Variants in CCT5 observed in about 807,000 individuals in gnomAD.
CCT5 encodes chaperonin containing TCP1 subunit 5.
Under a neutral mutation model 55.0 loss-of-function variants are expected in CCT5, and 6 were observed. That is an observed-to-expected ratio of 0.11 (90% CI 0.06 to 0.22). The LOEUF (loss-of-function observed/expected upper bound fraction) is 0.22. Among genes scored for constraint, CCT5 ranks in the 10% least tolerant of loss-of-function variants. The pLI is 1.00. For missense variants in CCT5, 560 were observed against 694.6 expected (o/e 0.81, Z 2.18); for synonymous variants, 231 against 243.7 (o/e 0.95, Z 0.49).
chr5:10,262,284 TCA>T (rs1232057859), intron 8 of CCT5, 195 bp from the exon 9 acceptor site: 1 of 621,188 alleles, frequency 1.6e-6, no homozygotes, highest in African/African-American at 1.8e-5. Context: ...CTAGAATGAG[TCA>T]CTGGCCGCCT....
chr5:10,252,983 A>G, intron 1 of CCT5, among the ~76,000 whole-genome samples: 1 of 152,018 alleles, frequency 6.6e-6, no homozygotes, highest in East Asian at 1.9e-4. Context: ...GAAAAAAAAA[A>G]CAGGTAACTT....
chr5:10,256,945 T>C (rs1472829644), intron 4 of CCT5, among the ~76,000 whole-genome samples: 1 of 152,174 alleles, frequency 6.6e-6, no homozygotes, highest in Non-Finnish European at 1.5e-5. Flanking sequence ...ACAGCTCTTC[T>C]CCCAGGAGAC....
At chr5:10,250,892 A>G in intron 1 of CCT5, 1 of 1,034,112 alleles carries the variant, frequency 9.7e-7, no homozygotes, top group Non-Finnish European at 1.2e-6. Flanking sequence ...TCACTCGTAA[A>G]GGTGTGGTCA....
intron 10 of CCT5, among the ~76,000 whole-genome samples, chr5:10,263,721 A>G (rs1016102753): frequency 6.6e-6 from 1 of 152,202 alleles, no homozygotes; most frequent in Non-Finnish European, 1.5e-5. Context: ...TAAATGTAAT[A>G]TATAACCTCT....
chr5:10,263,633 A>G (rs1746089026), intron 10 of CCT5, among the ~76,000 whole-genome samples: 1 of 152,198 alleles, frequency 6.6e-6, no homozygotes, highest in East Asian at 1.9e-4. Context: ...AGTGGGCAGC[A>G]TATATATAAC....
intron 8 of CCT5, chr5:10,262,253 A>G: frequency 1.8e-6 from 1 of 542,058 alleles, no homozygotes; most frequent in Non-Finnish European, 3.3e-6. Flanking sequence ...TCAGTTTTTG[A>G]CTCTTGCTTG....
chr5:10,254,998 T>C, intron 3 of CCT5, 160 bp downstream of exon 3: 2 of 661,276 alleles, frequency 3.0e-6, no homozygotes, highest in Non-Finnish European at 5.4e-6. Context: ...CTTTCAAAAC[T>C]GACAGTGTTA....
At chr5:10,254,286 G>T in intron 2 of CCT5, 81 bp downstream of exon 2, 4 of 994,758 alleles carry the variant, frequency 4.0e-6, no homozygotes, top group Non-Finnish European at 4.8e-6. Context: ...ACAGAAAGGT[G>T]GAGTATTGAG....
chr5:10,254,371 G>A (rs527286294), intron 2 of CCT5, 166 bp downstream of exon 2: 22 of 638,594 alleles, frequency 3.4e-5, no homozygotes, highest in Non-Finnish European at 4.9e-5. Context: ...GGTTATAATC[G>A]TGTGCAATAT....
intron 10 of CCT5, 97 bp from the exon 11 acceptor site, chr5:10,264,556 TTTC>T: frequency 9.5e-6 from 8 of 842,008 alleles, no homozygotes; most frequent in Non-Finnish European, 1.7e-5. Flanking sequence ...GGAGTTTGTA[TTTC>T]TTAAGTCTTA....
chr5:10,263,578 T>C (rs1023948359), intron 10 of CCT5, among the ~76,000 whole-genome samples: 2 of 152,212 alleles, frequency 1.3e-5, no homozygotes, highest in Non-Finnish European at 2.9e-5. Flanking sequence ...ATCTCTGGTT[T>C]TTGGGAAGTA....
At chr5:10,261,872 C>T (rs771215606) in intron 8 of CCT5, 127 bp downstream of exon 8, 6 of 800,028 alleles carry the variant, frequency 7.5e-6, no homozygotes, top group East Asian at 2.6e-5. Context: ...CAAACAATGA[C>T]GTATCATGGT....
At chr5:10,249,943 G>A, upstream of CCT5, 5 of 850,236 alleles carry the variant, frequency 5.9e-6, no homozygotes, top group South Asian at 1.6e-5. Context: ...AACCGGAAAT[G>A]GGTCCTACCA....
In CCT5 at chr5:10,260,926, G is replaced by A. The variant is rs914727704; in HGVS notation, c.993+15G>A. 4.3e-6 allele frequency: 7 copies of A among 1,613,564 alleles called. No homozygotes were observed. Among genetic ancestry groups the A allele is most frequent in the African/African-American group, 2.7e-5 (2 of 74,910 alleles). ...CTGAAATTGAGGTAGGATGTTCCAC[G>A]TGAAGAGACTTTGAGAAGTAGGGGT... On this transcript the variant is annotated intron_variant, in intron 7 of 10. Coordinates refer to ENST00000280326, the MANE Select transcript of CCT5 (RefSeq NM_012073.5).
rs2126513156 is a variant in CCT5 at position 10,260,816 on chromosome 5, G to A, written c.898G>A (p.Ala300Thr). Residue 300 changes from alanine to threonine, a missense_variant, in exon 7 of 11, where the codon GCA becomes ACA. Coordinates refer to ENST00000280326, the MANE Select transcript of CCT5 (RefSeq NM_012073.5). ...GATTAAAGAGACTGGTGCTAACCTA[G>A]CAATTTGTCAGTGGGGCTTTGATGA... Reference protein sequence around the residue: ...QQIKETGANLAICQWGFDDEA... With the variant: ...QQIKETGANLTICQWGFDDEA... 6.2e-7 allele frequency: 1 copy of A among 1,614,020 alleles called. No individual in the cohort carries two copies. Among genetic ancestry groups the A allele is most frequent in the Non-Finnish European group, 8.5e-7 (1 of 1,179,968 alleles).
In CCT5 at chr5:10,252,575, A is replaced by G. The variant is rs367640845; in HGVS notation, c.106-1570A>G. Among the ~76,000 whole-genome samples, 50 of 148,412 alleles carry G rather than the reference A, an allele frequency of 3.4e-4. 1 individual carries two copies. In the South Asian group the frequency reaches 0.01, roughly 31 times the overall value. On this transcript the variant is annotated intron_variant, in intron 1 of 10. Coordinates refer to ENST00000280326, the MANE Select transcript of CCT5 (RefSeq NM_012073.5). ...GGTTGCGGTGAGCCGAGATCACGCCACTGCACTCCAGCCTGGGTGACAGAG... is the reference window on the plus strand; with the variant it reads ...GGTTGCGGTGAGCCGAGATCACGCCGCTGCACTCCAGCCTGGGTGACAGAG...
In CCT5 at chr5:10,263,224, C is replaced by A; in HGVS notation, c.1408C>A (p.Pro470Thr). ...MALSENSGMN[P>T]IQTMTEVRAR... ...CCTCTCTGAAAACAGTGGCATGAAT[C>A]CCATCCAGACTATGACCGAAGTCCG... Residue 470 changes from proline (P) to threonine (T), a missense_variant, in exon 10 of 11, where the codon CCC becomes ACC. Transcript: ENST00000280326. 6.2e-7 allele frequency: 1 copy of A among 1,614,148 alleles called. No individual in the cohort carries two copies. Among genetic ancestry groups the A allele is most frequent in the Non-Finnish European group, 8.5e-7 (1 of 1,179,980 alleles).
chr5:10,255,127 T>C (rs965994436), intron 3 of CCT5: 2 of 421,592 alleles, frequency 4.7e-6, no homozygotes, highest in African/African-American at 4.0e-5. Context: ...CGTGGAAGAA[T>C]TTGATTTTGG....
At chr5:10,260,675 T>C in intron 6 of CCT5, 117 bp from the exon 7 acceptor site, 1 of 1,066,928 alleles carries the variant, frequency 9.4e-7, no homozygotes, top group South Asian at 1.3e-5. Context: ...TTTCCTTTGC[T>C]TTTGTGTTTG....
Sources: allele counts gnomAD v4.1 joint callset (sites outside exome capture counted in the v4.1 genomes callset), GRCh38; gene constraint gnomAD v4.1.1; transcripts MANE v1.5; gene names NCBI Gene and HGNC (gene_info 2026-07-23, HGNC 2026-07-21).